Variants in WSCD2 observed in about 807,000 individuals in gnomAD.
WSCD2 encodes the protein WSC domain sialate O sulfotransferase 2, also known as sialate:O-sulfotransferase 2.
In WSCD2, 28 loss-of-function variants were observed where a neutral mutation model predicts 55.7. The ratio of observed to expected loss-of-function variants is 0.50; its 90% confidence interval spans 0.37 to 0.69. The LOEUF (loss-of-function observed/expected upper bound fraction) is 0.69, where lower values mean the gene tolerates loss of function less well. Ranked by LOEUF, WSCD2 falls within the 30% of genes least tolerant of loss-of-function variation. The probability of loss-of-function intolerance (pLI) is 0.00; values close to 1 mark genes in which losing one functional copy is unlikely to be tolerated. For missense variants in WSCD2, 616 were observed against 762.1 expected (o/e 0.81, Z 2.26); for synonymous variants, 301 against 301.9 (o/e 1.00, Z 0.03).
At chr12:108,134,600 C>G (rs1191562319) in intron 1 of WSCD2, among the ~76,000 whole-genome samples, 4 of 152,166 alleles carry the variant, frequency 2.6e-5, no homozygotes, top group African/African-American at 9.7e-5. Flanking sequence ...GTTTGTTACA[C>G]ACCACTGTCA....
In WSCD2 at chr12:108,248,628, C is replaced by T. The variant is rs1890255384; in HGVS notation, c.*285C>T. On this transcript the variant is annotated 3_prime_UTR_variant, in exon 9 of 9. Transcript: ENST00000547525. The surrounding 1 kb of genome is among the most constrained non-coding windows in gnomAD (Gnocchi z 4.3). The stretch of plus-strand genomic sequence containing the variant: ...TCTTTTCTGTCTCCTGGGTCCCTGC[C>T]CCCACCACTCTGGGTTCCATTTGTG... The T allele has an allele frequency of 8.7e-7, 1 of 1,152,746 alleles. No individual in the cohort carries two copies. Among genetic ancestry groups the T allele is most frequent in the Non-Finnish European group, 1.1e-6 (1 of 931,796 alleles). 71.4% of individuals were successfully genotyped at this position (1,152,746 alleles called of 1,614,324 possible). A position where few individuals can be genotyped will look rare whatever the true frequency, so the allele number is the denominator to read the frequency against.
chr12:108,135,783 C>T (rs1434590460), intron 1 of WSCD2, among the ~76,000 whole-genome samples: 2 of 152,224 alleles, frequency 1.3e-5, no homozygotes, highest in Non-Finnish European at 2.9e-5. Context: ...GGCCAACAAA[C>T]TATGGCCCAC....
At chr12:108,241,084 G>C (rs1318478354) in intron 8 of WSCD2, among the ~76,000 whole-genome samples, 3 of 152,132 alleles carry the variant, frequency 2.0e-5, no homozygotes, top group African/African-American at 7.2e-5. Flanking sequence ...TTGCCACAAG[G>C]TCCTGAGAGC....
At chr12:108,233,814 G>A (rs948325558) in intron 7 of WSCD2, among the ~76,000 whole-genome samples, 2 of 152,218 alleles carry the variant, frequency 1.3e-5, no homozygotes, top group Non-Finnish European at 2.9e-5. Context: ...CCCTCTCCTG[G>A]GCATGGTGGG....
intron 5 of WSCD2, among the ~76,000 whole-genome samples, chr12:108,226,071 G>A (rs926327779): frequency 3.9e-5 from 6 of 151,956 alleles, no homozygotes; most frequent in East Asian, 2.0e-4. Context: ...TGGGACCCAC[G>A]CTTTGGGAAA....
chr12:108,155,825 C>T (rs1283401337), intron 1 of WSCD2, among the ~76,000 whole-genome samples: 1 of 152,194 alleles, frequency 6.6e-6, no homozygotes, highest in African/African-American at 2.4e-5. Context: ...TGTTATCATT[C>T]TGCCTCCCAT....
In WSCD2 at chr12:108,200,048, C is replaced by T. The variant is rs145049463; in HGVS notation, c.382+3834C>T. ...AGCTAATCTGGGGCAGAGCCAGGAGCTGAACCCACTTTGACTTCAAAGGTT... is the reference window on the plus strand; with the variant it reads ...AGCTAATCTGGGGCAGAGCCAGGAGTTGAACCCACTTTGACTTCAAAGGTT... On this transcript the variant is annotated intron_variant, in intron 2 of 8. Coordinates refer to ENST00000547525, the MANE Select transcript of WSCD2 (RefSeq NM_014653.4). 1.2e-4 allele frequency among the ~76,000 whole-genome samples: 19 copies of T among 152,316 alleles called. 1 individual carries two copies. Among genetic ancestry groups the T allele is most frequent in the African/African-American group, 4.3e-4 (18 of 41,550 alleles).
In WSCD2 at chr12:108,240,344, G is replaced by A; in HGVS notation, c.1145G>A (p.Gly382Glu). The change falls in exon 8 of 9, where the codon GGG (glycine) becomes GAG (glutamate). Residue 382 changes from glycine (G) to glutamate (E), a missense_variant and splice_region_variant. Physicochemically the swap from Gly to Glu is moderately conservative, Grantham distance 98. Transcript: ENST00000547525. ...YYFDGSLYNK[G>E]FKGERDHWRS... Reference sequence around the variant, plus strand: ...GTTCCTCACCTCTGGCTGCGGGAAGGGTTTAAAGGTGAGCGGGACCACTGG... The same window carrying A: ...GTTCCTCACCTCTGGCTGCGGGAAGAGTTTAAAGGTGAGCGGGACCACTGG... 6.2e-7 allele frequency: 1 copy of A among 1,613,944 alleles called. No individual in the cohort carries two copies. The highest frequency in any genetic ancestry group is 8.5e-7 in the Non-Finnish European group (1 of 1,180,032).
chr12:108,190,609 C>T (rs1324879119), intron 1 of WSCD2, among the ~76,000 whole-genome samples: 1 of 152,224 alleles, frequency 6.6e-6, no homozygotes, highest in African/African-American at 2.4e-5. Flanking sequence ...CTGCAGGCAG[C>T]TCTTCCCCAC....
At position 108,173,810 on chromosome 12, in the gene WSCD2, CTGTGTG is replaced by C. The variant is rs113409001; in HGVS notation, c.-551-21432_-551-21427del. ...TGAGGCAGAGCTGATTCCTGGCTCT[CTGTGTG>C]TGTGTGTGTGTGTGTGTGTGTGTGT... On this transcript the variant is annotated intron_variant, in intron 1 of 8. Transcript: ENST00000547525. 3.1e-3 allele frequency among the ~76,000 whole-genome samples: 401 copies of C among 131,222 alleles called. 3 individuals are homozygous for C. Among genetic ancestry groups the C allele is most frequent in the African/African-American group, 0.01 (334 of 32,730 alleles). 86.1% of individuals were successfully genotyped at this position (131,222 alleles called of 152,430 possible). A position where few individuals can be genotyped will look rare whatever the true frequency, so the allele number is the denominator to read the frequency against.
chr12:108,211,630 CATATAT>C (rs56944563), intron 4 of WSCD2, among the ~76,000 whole-genome samples: 2 of 138,550 alleles, frequency 1.4e-5, no homozygotes, highest in African/African-American at 5.4e-5. Context: ...TTTCAAATCC[CATATAT>C]ATATATATAT....
chr12:108,172,670 G>A (rs781496203), intron 1 of WSCD2, among the ~76,000 whole-genome samples: 1 of 152,314 alleles, frequency 6.6e-6, no homozygotes, highest in Non-Finnish European at 1.5e-5. Flanking sequence ...GCCAGCAACT[G>A]CTAGAAGCTG....
At chr12:108,167,528 G>C (rs1248937787) in intron 1 of WSCD2, 1 of 152,186 alleles carries the variant, frequency 6.6e-6, no homozygotes, top group South Asian at 2.1e-4. Flanking sequence ...TTTCTAAAAA[G>C]AGAATAATTT....
At chr12:108,181,653 A>G (rs1241088021) in intron 1 of WSCD2, among the ~76,000 whole-genome samples, 2 of 152,184 alleles carry the variant, frequency 1.3e-5, no homozygotes, top group Non-Finnish European at 2.9e-5. Context: ...CTGTTCTCCA[A>G]GCTAGAGTGT....
intron 1 of WSCD2, among the ~76,000 whole-genome samples, chr12:108,147,448 A>G (rs1877512214): frequency 6.6e-6 from 1 of 152,100 alleles, no homozygotes; most frequent in African/African-American, 2.4e-5. Flanking sequence ...TAAAATTTCT[A>G]TTTAAAGACT....
rs1890321096 is a variant in WSCD2, at chr12:108,249,678, T to G, written c.*1335T>G. ...AGGCAGTCCCTCTGAAGCCTTGGAG[T>G]GCAGGTAAATGCTCATTCCCAAGTA... On this transcript the variant is annotated 3_prime_UTR_variant, in exon 9 of 9. Coordinates refer to ENST00000547525, the MANE Select transcript of WSCD2 (RefSeq NM_014653.4). 6.6e-6 allele frequency: 1 copy of G among 152,576 alleles called. No individual in the cohort carries two copies. 9.5% of individuals were successfully genotyped at this position (152,576 alleles called of 1,614,324 possible). A position where few individuals can be genotyped will look rare whatever the true frequency, so the allele number is the denominator to read the frequency against.
At chr12:108,172,821 T>C (rs1275225873) in intron 1 of WSCD2, among the ~76,000 whole-genome samples, 1 of 152,158 alleles carries the variant, frequency 6.6e-6, no homozygotes, top group Admixed American at 6.5e-5. Context: ...TTGCAGTAAT[T>C]TGTTACAGCA....
intron 4 of WSCD2, among the ~76,000 whole-genome samples, chr12:108,211,650 T>TATACATATATATATATATATATATAC (rs1491203752): frequency 2.3e-4 from 29 of 124,668 alleles, no homozygotes; most frequent in African/African-American, 7.7e-4. Flanking sequence ...TATATATATA[T>TATACATATATATATATATATATATAC]ACATATATAT....
At chr12:108,178,427 T>C (rs1009956937) in intron 1 of WSCD2, among the ~76,000 whole-genome samples, 3 of 152,226 alleles carry the variant, frequency 2.0e-5, no homozygotes, top group Non-Finnish European at 4.4e-5. Flanking sequence ...TTGGCTCGCT[T>C]CTAGGCCTTT....
Sources: allele counts gnomAD v4.1 joint callset (sites outside exome capture counted in the v4.1 genomes callset), GRCh38; gene constraint gnomAD v4.1.1; non-coding constraint Gnocchi (gnomAD v3.1); transcripts MANE v1.5; gene names NCBI Gene and HGNC (gene_info 2026-07-23, HGNC 2026-07-21).